MAGI1: variants seen among roughly 807,000 people sequenced by gnomAD.
MAGI1 encodes membrane-associated guanylate kinase, WW and PDZ domain-containing protein 1.
In MAGI1, 58 loss-of-function variants were observed where a neutral mutation model predicts 139.9. The ratio of observed to expected loss-of-function variants is 0.41; its 90% confidence interval spans 0.34 to 0.52. The LOEUF (loss-of-function observed/expected upper bound fraction) is 0.52, where lower values mean the gene tolerates loss of function less well. Ranked by LOEUF, MAGI1 falls within the 20% of genes least tolerant of loss-of-function variation. The pLI is 0.12. For missense variants in MAGI1, 1,874 were observed against 1,901.6 expected (o/e 0.99, Z 0.27); for synonymous variants, 812 against 737.9 (o/e 1.10, Z -1.63).
chr3:66,032,638 G>A (rs906725577), intron 1 of MAGI1, among the ~76,000 whole-genome samples: 4 of 151,742 alleles, frequency 2.6e-5, no homozygotes, highest in Non-Finnish European at 5.9e-5. Context: ...AAGAAACAGG[G>A]CCCGTTGCGG....
intron 1 of MAGI1, among the ~76,000 whole-genome samples, chr3:65,839,695 G>T (rs1310928561): frequency 1.3e-5 from 2 of 152,138 alleles, no homozygotes; most frequent in African/African-American, 2.4e-5. Context: ...GCGTGGAGAA[G>T]AATTCTTAGA....
chr3:66,018,973 C>T (rs557680762), intron 1 of MAGI1, among the ~76,000 whole-genome samples: 1 of 152,268 alleles, frequency 6.6e-6, no homozygotes, highest in South Asian at 2.1e-4. Flanking sequence ...AGGTACCTAC[C>T]CACACCAAGA....
At chr3:65,753,588 G>A (rs914931719) in intron 1 of MAGI1, among the ~76,000 whole-genome samples, 2 of 151,750 alleles carry the variant, frequency 1.3e-5, no homozygotes, top group Middle Eastern at 3.4e-3. Context: ...AGTCGTGGTG[G>A]CACATGCCTG....
intron 1 of MAGI1, among the ~76,000 whole-genome samples, chr3:65,882,938 A>G (rs2060391569): frequency 6.6e-6 from 1 of 150,434 alleles, no homozygotes; most frequent in African/African-American, 2.4e-5. Flanking sequence ...CTGTCTCAAA[A>G]AAAAAAAAAA....
At chr3:65,722,345 G>A (rs1240828050) in intron 1 of MAGI1, among the ~76,000 whole-genome samples, 3 of 152,036 alleles carry the variant, frequency 2.0e-5, no homozygotes, top group Non-Finnish European at 4.4e-5. Flanking sequence ...ATTACTTTGG[G>A]GACCAGGCAC....
chr3:65,754,478 C>G (rs2036404246), intron 1 of MAGI1, among the ~76,000 whole-genome samples: 1 of 152,186 alleles, frequency 6.6e-6, no homozygotes, highest in Non-Finnish European at 1.5e-5. Context: ...TTTTCAAGAT[C>G]AAGAAAGTTA....
intron 1 of MAGI1, among the ~76,000 whole-genome samples, chr3:66,000,757 G>A (rs560907410): frequency 1.3e-5 from 2 of 152,356 alleles, no homozygotes; most frequent in Admixed American, 1.3e-4. Flanking sequence ...GTCCATGGCA[G>A]GGCAACATCC....
At chr3:65,420,138 C>T (rs535119416) in intron 12 of MAGI1, among the ~76,000 whole-genome samples, 3 of 152,136 alleles carry the variant, frequency 2.0e-5, no homozygotes, top group South Asian at 2.1e-4. Context: ...TATCTGAACA[C>T]GTTACTGAGA....
chr3:65,923,314 C>T lies in MAGI1; in HGVS notation c.313+114682G>A, dbSNP rs148886204. Among the ~76,000 whole-genome samples, 1,187 of 150,408 alleles carry T rather than the reference C, an allele frequency of 7.9e-3. 11 individuals carry two copies. The highest frequency in any genetic ancestry group is 0.027 in the African/African-American group (1,121 of 40,768). On this transcript the variant is annotated intron_variant, in intron 1 of 22. Transcript: ENST00000402939. The stretch of plus-strand genomic sequence containing the variant: ...GATCTCGGCTCACTGCAACCTCCAC[C>T]TCCCAAGTTCAAACAATTCTCCTGC...
chr3:65,605,450 TGG>T (rs2082691335), intron 2 of MAGI1, among the ~76,000 whole-genome samples: 1 of 152,198 alleles, frequency 6.6e-6, no homozygotes, highest in South Asian at 2.1e-4. Flanking sequence ...TGATACTTGC[TGG>T]GGAGTATGAT....
At chr3:65,578,712 G>A (rs2081283769) in intron 2 of MAGI1, among the ~76,000 whole-genome samples, 1 of 152,106 alleles carries the variant, frequency 6.6e-6, no homozygotes, top group South Asian at 2.1e-4. Flanking sequence ...TTGAGGTCAG[G>A]AGTTCAAGAC....
At chr3:65,433,279 T>C (rs771862095) in intron 10 of MAGI1, among the ~76,000 whole-genome samples, 1 of 152,132 alleles carries the variant, frequency 6.6e-6, no homozygotes, top group Non-Finnish European at 1.5e-5. Context: ...ACTCTTATTA[T>C]AGGCTAAGTT....
At position 65,354,911 on chromosome 3, in the gene MAGI1, T is replaced by C. The variant is rs1197772528; in HGVS notation, c.*1467A>G. The C allele has an allele frequency of 1.3e-5, 2 of 152,390 alleles. No homozygotes were observed. Among genetic ancestry groups the C allele is most frequent in the Non-Finnish European group, 1.5e-5 (1 of 68,000 alleles). The allele number at this position is 152,390 out of a possible 1,614,324, so 9.4% of individuals were successfully genotyped here. A position where few individuals can be genotyped will look rare whatever the true frequency, so the allele number is the denominator to read the frequency against. On this transcript the variant is annotated 3_prime_UTR_variant, in exon 23 of 23. Transcript: ENST00000402939. ...TTTTTTTTTCTTTTTCCTTTTTTTT[T>C]TTCTTACAGTACCATGGGAACAACA... is the stretch of plus-strand genomic sequence containing the variant.
chr3:65,964,848 C>G (rs1325978067), intron 1 of MAGI1, among the ~76,000 whole-genome samples: 4 of 152,190 alleles, frequency 2.6e-5, no homozygotes, highest in Non-Finnish European at 5.9e-5. Flanking sequence ...AAGCCACCCC[C>G]AAGTCCAACA....
intron 3 of MAGI1, among the ~76,000 whole-genome samples, chr3:65,490,577 G>A (rs188963938): frequency 1.1e-4 from 17 of 152,178 alleles, no homozygotes; most frequent in Admixed American, 2.6e-4. Flanking sequence ...CAGGCTCGGT[G>A]GCTCACGCCT....
chr3:65,889,036 C>T (rs558524547), intron 1 of MAGI1, among the ~76,000 whole-genome samples: 1 of 152,188 alleles, frequency 6.6e-6, no homozygotes, highest in South Asian at 2.1e-4. Context: ...CCTCTATAGG[C>T]TAGTACTATT....
At chr3:65,451,175 A>G (rs1341854571) in intron 6 of MAGI1, among the ~76,000 whole-genome samples, 1 of 152,232 alleles carries the variant, frequency 6.6e-6, no homozygotes, top group Non-Finnish European at 1.5e-5. Flanking sequence ...AAAAATGCCA[A>G]TTCCATTCAA....
intron 1 of MAGI1, among the ~76,000 whole-genome samples, chr3:66,027,329 G>A (rs2068338321): frequency 6.6e-6 from 1 of 151,420 alleles, no homozygotes; most frequent in Non-Finnish European, 1.5e-5. Context: ...AAAAAGAGAG[G>A]GTCTTTCTCT....
At chr3:65,615,374 C>T (rs1223796819) in intron 2 of MAGI1, among the ~76,000 whole-genome samples, 1 of 152,162 alleles carries the variant, frequency 6.6e-6, no homozygotes, top group East Asian at 1.9e-4. Context: ...TGGGATCAGA[C>T]AGAGTCCCCA....
Sources: gnomAD v4.1 joint callset for allele counts (sites outside exome capture counted in the v4.1 genomes callset) on GRCh38, gnomAD v4.1.1 for gene constraint, MANE v1.5 for transcripts, NCBI Gene and HGNC (gene_info 2026-07-23, HGNC 2026-07-21) for gene names.